Variants in TFIP11 observed in about 807,000 individuals in gnomAD.
TFIP11 encodes the protein tuftelin-interacting protein 11.
A neutral mutation model predicts 96.8 loss-of-function variants in TFIP11; 86 were observed. The ratio of observed to expected loss-of-function variants is 0.89; its 90% CI spans 0.75 to 1.06. TFIP11 has a LOEUF of 1.06. TFIP11 is among the 50% of genes least tolerant of loss of function. The pLI is 0.00. For synonymous variants in TFIP11, 405 were observed against 395.2 expected, an observed-to-expected ratio of 1.02 and a Z score of -0.29; for missense variants, 881 against 1,076.7, an observed-to-expected ratio of 0.82 and a Z score of 2.54.
chr22:26,496,355 G>T, intron 11 of TFIP11, 39 bp from the exon 12 acceptor site: 1 of 1,557,842 alleles, frequency 6.4e-7, no homozygotes, highest in South Asian at 1.2e-5. Flanking sequence ...TGTCGCCTGT[G>T]GGGCAGTCAC....
At chr22:26,509,996 T>C (rs1285643733) in intron 4 of TFIP11, 68 bp downstream of exon 4, 1 of 1,534,654 alleles carries the variant, frequency 6.5e-7, no homozygotes, top group Non-Finnish European at 9.0e-7. Context: ...GGGTATCTCC[T>C]CCACTCCCTG....
rs143768729 is a variant in TFIP11 at position 26,497,434 on chromosome 22, C to T, written c.1437-545G>A. ...CCCAGCACCTAGCACAAGCATGATA[C>T]GCAACAGACATTTGACAAGTGTCAG... is the stretch of plus-strand genomic sequence containing the variant. On this transcript the variant is annotated intron_variant, in intron 10 of 14. Coordinates refer to ENST00000407690, the MANE Select transcript of TFIP11 (RefSeq NM_012143.4). 1.9e-4 allele frequency among the ~76,000 whole-genome samples: 29 copies of T among 152,294 alleles called. 1 individual carries two copies. The East Asian group carries it at 5.0e-3, about 26-fold the overall frequency.
intron 8 of TFIP11, among the ~76,000 whole-genome samples, chr22:26,500,072 T>G (rs1922586299): frequency 6.6e-6 from 1 of 152,250 alleles, no homozygotes. Flanking sequence ...TTTGGTAATC[T>G]TGGAAGGATG....
Position 26,506,773 on chromosome 22 carries a change from A to C in TFIP11, c.363+2T>G. The C allele has an allele frequency of 6.2e-7, 1 of 1,614,144 alleles. No individual in the cohort carries two copies. Among genetic ancestry groups the C allele is most frequent in the Non-Finnish European group, 8.5e-7 (1 of 1,180,006 alleles). The stretch of plus-strand genomic sequence containing the variant: ...GGGTCACAATCCTGCAATAGAGACT[A>C]CCGTTTTTAGCTTCCTTGGTCCAAA... On this transcript the variant is annotated splice_donor_variant, in intron 5 of 14. Coordinates refer to ENST00000407690, the MANE Select transcript of TFIP11 (RefSeq NM_012143.4). LOFTEE classifies it high-confidence loss of function.
chr22:26,506,241 A>G (rs111554730), intron 6 of TFIP11, 62 bp downstream of exon 6: 13 of 1,490,422 alleles, frequency 8.7e-6, no homozygotes, highest in African/African-American at 8.4e-5. Flanking sequence ...TCCTCTCCCA[A>G]CGCCCCTCTC....
intron 12 of TFIP11, among the ~76,000 whole-genome samples, chr22:26,495,686 G>C (rs1278928951): frequency 1.3e-5 from 2 of 148,270 alleles, no homozygotes; most frequent in Non-Finnish European, 3.0e-5. Flanking sequence ...ACATATATGT[G>C]TGTGTGTGTG....
intron 5 of TFIP11, 78 bp from the exon 6 acceptor site, chr22:26,506,537 A>C: frequency 6.6e-7 from 1 of 1,517,108 alleles, no homozygotes; most frequent in East Asian, 2.3e-5. Flanking sequence ...GGCCAACAGG[A>C]AAATGGCCTA....
At chr22:26,497,897 CAT>C in intron 10 of TFIP11, among the ~76,000 whole-genome samples, 1 of 131,610 alleles carries the variant, frequency 7.6e-6, no homozygotes, top group African/African-American at 2.8e-5. Flanking sequence ...AAAAAAAAGT[CAT>C]ATACGAGAAA....
At chr22:26,508,631 G>T (rs1025293156) in intron 4 of TFIP11, among the ~76,000 whole-genome samples, 1 of 152,108 alleles carries the variant, frequency 6.6e-6, no homozygotes, top group East Asian at 1.9e-4. Context: ...CGAGGCAGGC[G>T]GATGACAAGG....
At chr22:26,492,481 G>T in intron 14 of TFIP11, 113 bp from the exon 15 acceptor site, 2 of 906,566 alleles carry the variant, frequency 2.2e-6, no homozygotes, top group Non-Finnish European at 3.4e-6. Flanking sequence ...ACTCACTGAA[G>T]GGCAGCTCTG....
Position 26,494,846 on chromosome 22 carries a change from G to C in TFIP11, c.1943C>G (p.Ser648Cys), listed in dbSNP as rs758124053. 3 of 1,614,112 alleles carry C rather than the reference G, an allele frequency of 1.9e-6. No individual in the cohort carries two copies. The highest frequency in any genetic ancestry group is 1.6e-4 in the Middle Eastern group (1 of 6,084). The part of the protein sequence containing the change: ...VIDWEGMISV[S>C]SLVGLLEKHF... ...CTTTTCAAGAAGTCCCACCAGGCTA[G>C]AGACAGAGATCATCCCTTCCCAGTC... The change falls in exon 13 of 15, where the codon TCT becomes TGT. Residue 648 changes from serine to cysteine, a missense_variant. Transcript: ENST00000407690.
chr22:26,495,971 C>T (rs767999690), intron 12 of TFIP11, 102 bp downstream of exon 12: 9 of 1,498,542 alleles, frequency 6.0e-6, no homozygotes, highest in Non-Finnish European at 8.1e-6. Context: ...GTACTAAGCA[C>T]TTTCATGAAC....
intron 5 of TFIP11, 55 bp from the exon 6 acceptor site, chr22:26,506,514 T>C: frequency 6.4e-7 from 1 of 1,562,034 alleles, no homozygotes; most frequent in Non-Finnish European, 8.6e-7. Context: ...TGAAGAAAAA[T>C]CTAAGAAAGC....
intron 10 of TFIP11, 49 bp from the exon 11 acceptor site, chr22:26,496,938 T>C: frequency 6.3e-7 from 1 of 1,596,710 alleles, no homozygotes; most frequent in Non-Finnish European, 8.6e-7. Context: ...CTGACTGGTT[T>C]CAAAGTACAC....
chr22:26,505,707 TTTATTTA>T lies in TFIP11; in HGVS notation c.520+589_520+595del, dbSNP rs200008629. On this transcript the variant is annotated intron_variant, in intron 6 of 14. Coordinates refer to ENST00000407690, the MANE Select transcript of TFIP11 (RefSeq NM_012143.4). ...TGTTTTTATTTATTCTATTTATTTA[TTTATTTA>T]TTTATTTATTTATTTATTTATTCAG... Among the ~76,000 whole-genome samples the T allele has an allele frequency of 5.7e-3, 619 of 108,586 alleles. 11 individuals carry two copies. The highest frequency in any genetic ancestry group is 0.052 in the South Asian group (199 of 3,824). The allele number at this position is 108,586 out of a possible 152,430, so 71.2% of individuals were successfully genotyped here.
intron 7 of TFIP11, among the ~76,000 whole-genome samples, chr22:26,502,541 C>T (rs1569162460): frequency 6.6e-6 from 1 of 152,180 alleles, no homozygotes; most frequent in South Asian, 2.1e-4. Context: ...GCAAGCTTGT[C>T]CAACCCGCAG....
intron 4 of TFIP11, among the ~76,000 whole-genome samples, chr22:26,509,789 G>T (rs936370040): frequency 3.9e-5 from 6 of 152,160 alleles, no homozygotes; most frequent in African/African-American, 1.4e-4. Flanking sequence ...CTGGAAGGTG[G>T]AGGTTGCAGC....
At chr22:26,509,345 C>A (rs149883348) in intron 4 of TFIP11, among the ~76,000 whole-genome samples, 2 of 152,194 alleles carry the variant, frequency 1.3e-5, no homozygotes, top group African/African-American at 4.8e-5. Context: ...CTTTTCTCCA[C>A]AGAAATCTTC....
rs1206386346 is a variant in TFIP11 at position 26,494,304 on chromosome 22, C to T, written c.1993G>A (p.Val665Met). 1 of 1,614,190 alleles carries T rather than the reference C, an allele frequency of 6.2e-7. No homozygotes were observed. Among genetic ancestry groups the T allele is most frequent in the Admixed American group, 1.7e-5 (1 of 60,030 alleles). ...EKHFFPKWLQ[V>M]LCSWLSNSPN... ...CTGTTACTGAGCCAAGAGCACAGCA[C>T]CTGCCAAAAAGAAAAATTACTTGCA... Residue 665 changes from valine (V) to methionine (M), a missense_variant and splice_region_variant, in exon 14 of 15, where the codon GTG becomes ATG. Transcript: ENST00000407690.
Sources: gnomAD v4.1 joint callset for allele counts (sites outside exome capture counted in the v4.1 genomes callset) on GRCh38, gnomAD v4.1.1 for gene constraint, MANE v1.5 for transcripts, NCBI Gene and HGNC (gene_info 2026-07-23, HGNC 2026-07-21) for gene names.